SCAPER: variants seen among roughly 807,000 people sequenced by gnomAD.
SCAPER encodes the protein S-phase cyclin A associated protein in the ER.
Under a neutral mutation model 182.2 loss-of-function variants are expected in SCAPER, and 98 were observed. The ratio of observed to expected loss-of-function variants is 0.54; its 90% confidence interval spans 0.46 to 0.64. SCAPER has a LOEUF of 0.64. Ranked by LOEUF, SCAPER falls within the 30% of genes least tolerant of loss-of-function variation. The pLI, the probability that SCAPER is intolerant of heterozygous loss-of-function variation, is 0.00. For synonymous variants in SCAPER, 605 were observed against 564.6 expected, an observed-to-expected ratio of 1.07 and a Z score of -1.01; for missense variants, 1,432 against 1,690.0, an observed-to-expected ratio of 0.85 and a Z score of 2.68.
At chr15:76,596,121 A>G (rs2049476204) in intron 22 of SCAPER, among the ~76,000 whole-genome samples, 1 of 120,700 alleles carries the variant, frequency 8.3e-6, no homozygotes, top group African/African-American at 2.5e-5. Flanking sequence ...AATGACAAAG[A>G]AAAGATCACC....
rs572253519 is a variant in SCAPER, at chr15:76,596,440, C to T, written c.2712-22156G>A. ...AACTACTTCAAACAATAGAAAAAGACGGACTCCTCCCTAACTCATTTTATG... is the reference window on the plus strand; with the variant it reads ...AACTACTTCAAACAATAGAAAAAGATGGACTCCTCCCTAACTCATTTTATG... On this transcript the variant is annotated intron_variant, in intron 22 of 31. Transcript: ENST00000563290. 1.1e-4 allele frequency among the ~76,000 whole-genome samples: 13 copies of T among 119,378 alleles called. 2 individuals carry two copies. Among genetic ancestry groups the T allele is most frequent in the African/African-American group, 2.8e-4 (11 of 39,300 alleles). The allele number at this position is 119,378 out of a possible 152,430, so 78.3% of individuals were successfully genotyped here.
At chr15:76,467,808 G>A (rs2049807228) in intron 25 of SCAPER, among the ~76,000 whole-genome samples, 1 of 152,190 alleles carries the variant, frequency 6.6e-6, no homozygotes, top group East Asian at 1.9e-4. Flanking sequence ...GTTCACCTCT[G>A]TAACCCAGGC....
intron 22 of SCAPER, among the ~76,000 whole-genome samples, chr15:76,591,299 G>A (rs930866221): frequency 1.8e-4 from 26 of 148,570 alleles, no homozygotes; most frequent in African/African-American, 6.3e-4. Context: ...CAGGCTGCAC[G>A]CCCAGGAGGA....
chr15:76,604,874 T>G (rs1001061331), intron 22 of SCAPER, among the ~76,000 whole-genome samples: 3 of 151,962 alleles, frequency 2.0e-5, no homozygotes, highest in African/African-American at 7.2e-5. Context: ...GCACATTTAT[T>G]TTGTATCCTG....
chr15:76,668,501 T>C (rs904944951), intron 20 of SCAPER, among the ~76,000 whole-genome samples: 4 of 152,220 alleles, frequency 2.6e-5, no homozygotes, highest in African/African-American at 9.6e-5. Context: ...GTCCTCTTGT[T>C]GTTCCCCACA....
At chr15:76,506,224 A>C (rs867857034) in intron 23 of SCAPER, among the ~76,000 whole-genome samples, 1 of 152,156 alleles carries the variant, frequency 6.6e-6, no homozygotes, top group Non-Finnish European at 1.5e-5. Flanking sequence ...ATCAATAATA[A>C]TTTAATTGTT....
At chr15:76,874,445 A>C (rs1189222966) in intron 2 of SCAPER, among the ~76,000 whole-genome samples, 1 of 152,174 alleles carries the variant, frequency 6.6e-6, no homozygotes, top group African/African-American at 2.4e-5. Context: ...ACAGCAAAAA[A>C]TCAATATAAT....
intron 16 of SCAPER, among the ~76,000 whole-genome samples, chr15:76,732,627 G>A (rs183002941): frequency 2.0e-5 from 3 of 152,122 alleles, no homozygotes; most frequent in East Asian, 1.9e-4. Context: ...TTAGCAGACC[G>A]GGAAAGGGAC....
At chr15:76,488,251 CTT>C (rs1272041961) in intron 24 of SCAPER, among the ~76,000 whole-genome samples, 2 of 152,078 alleles carry the variant, frequency 1.3e-5, no homozygotes, top group Non-Finnish European at 2.9e-5. Context: ...AGTTCTCTCT[CTT>C]TTCTTTCACA....
At chr15:76,629,920 C>T (rs574526957) in intron 21 of SCAPER, among the ~76,000 whole-genome samples, 195 of 152,218 alleles carry the variant, frequency 1.3e-3, no homozygotes, top group Non-Finnish European at 2.5e-3. Flanking sequence ...GGCTATTTAT[C>T]ACCTGCCTCA....
intron 8 of SCAPER, among the ~76,000 whole-genome samples, chr15:76,780,934 C>G (rs1301432561): frequency 6.6e-6 from 1 of 152,122 alleles, no homozygotes; most frequent in Non-Finnish European, 1.5e-5. Flanking sequence ...GGGGAGAAAC[C>G]AGAGCAGAAA....
intron 22 of SCAPER, among the ~76,000 whole-genome samples, chr15:76,619,036 G>C (rs372305055): frequency 6.6e-5 from 10 of 152,146 alleles, no homozygotes; most frequent in Non-Finnish European, 1.5e-4. Context: ...GTAAAGATGG[G>C]GTTCTGCCAT....
chr15:76,773,585 A>C (rs2063583169), intron 9 of SCAPER, among the ~76,000 whole-genome samples: 1 of 151,972 alleles, frequency 6.6e-6, no homozygotes, highest in African/African-American at 2.4e-5. Flanking sequence ...GGACTCTTCC[A>C]TATTGTTAGA....
At chr15:76,844,271 G>GAAAAA (rs34092470) in intron 4 of SCAPER, among the ~76,000 whole-genome samples, 1 of 125,352 alleles carries the variant, frequency 8.0e-6, no homozygotes, top group Non-Finnish European at 1.6e-5. Flanking sequence ...ACAGAAAGAG[G>GAAAAA]AAAAAAAAAA....
At chr15:76,832,061 T>C (rs1333327514) in intron 5 of SCAPER, among the ~76,000 whole-genome samples, 1 of 152,228 alleles carries the variant, frequency 6.6e-6, no homozygotes, top group Non-Finnish European at 1.5e-5. Flanking sequence ...ACAAAAATTC[T>C]GGCAATTCTC....
chr15:76,735,098 C>A (rs1422989022), intron 15 of SCAPER, among the ~76,000 whole-genome samples: 1 of 152,012 alleles, frequency 6.6e-6, no homozygotes, highest in Non-Finnish European at 1.5e-5. Flanking sequence ...GTAATCCCAG[C>A]ACGTTAGGAG....
intron 24 of SCAPER, among the ~76,000 whole-genome samples, chr15:76,475,173 C>T (rs1054036815): frequency 1.3e-5 from 2 of 152,116 alleles, no homozygotes; most frequent in Non-Finnish European, 2.9e-5. Context: ...TACTAAAATA[C>T]TATCAAGAGA....
intron 5 of SCAPER, among the ~76,000 whole-genome samples, chr15:76,813,941 G>T (rs1262060437): frequency 6.6e-6 from 1 of 152,124 alleles, no homozygotes; most frequent in East Asian, 1.9e-4. Flanking sequence ...GCCAAGGTGG[G>T]CAGATTACTT....
At chr15:76,467,983 C>T (rs911153899) in intron 25 of SCAPER, among the ~76,000 whole-genome samples, 1 of 152,104 alleles carries the variant, frequency 6.6e-6, no homozygotes, top group African/African-American at 2.4e-5. Flanking sequence ...TAAATAACAC[C>T]AGATCACAAT....
Sources: allele counts gnomAD v4.1 joint callset (sites outside exome capture counted in the v4.1 genomes callset), GRCh38; gene constraint gnomAD v4.1.1; transcripts MANE v1.5; gene names NCBI Gene and HGNC (gene_info 2026-07-23, HGNC 2026-07-21).